ATP1B3: variants seen among roughly 807,000 people sequenced by gnomAD.
The protein encoded by ATP1B3 is ATPase Na+/K+ transporting subunit beta 3.
In ATP1B3, 10 loss-of-function variants were observed where a neutral mutation model predicts 30.2. That is an observed-to-expected ratio of 0.33 (90% CI 0.20 to 0.56). The LOEUF (loss-of-function observed/expected upper bound fraction) is 0.56, where lower values mean the gene tolerates loss of function less well. ATP1B3 is among the 20% of genes least tolerant of loss of function. The pLI is 0.90. For missense variants in ATP1B3, 238 were observed against 336.7 expected (o/e 0.71, Z 2.29); for synonymous variants, 113 against 117.0 (o/e 0.97, Z 0.22).
chr3:141,879,835 T>TTTTTTTTA (rs1933688308), intron 1 of ATP1B3, among the ~76,000 whole-genome samples: 2 of 136,466 alleles, frequency 1.5e-5, no homozygotes, highest in Admixed American at 7.4e-5. Flanking sequence ...TTTTTTTTTT[T>TTTTTTTTA]AAGAAAAACA....
chr3:141,910,224 C>G, intron 3 of ATP1B3, among the ~76,000 whole-genome samples: 1 of 152,008 alleles, frequency 6.6e-6, no homozygotes, highest in Non-Finnish European at 1.5e-5. Flanking sequence ...CACCTGCCTC[C>G]GCCTCCCAAA....
At chr3:141,877,727 C>T (rs946304048) in intron 1 of ATP1B3, among the ~76,000 whole-genome samples, 2 of 150,198 alleles carry the variant, frequency 1.3e-5, no homozygotes, top group Non-Finnish European at 3.0e-5. Flanking sequence ...TTTTTCTATG[C>T]GTGAGCTCTT....
At chr3:141,880,693 C>T (rs530231100) in intron 1 of ATP1B3, among the ~76,000 whole-genome samples, 5 of 152,070 alleles carry the variant, frequency 3.3e-5, no homozygotes, top group African/African-American at 9.6e-5. Flanking sequence ...TTTCATGAAG[C>T]TTTTGTGTAT....
chr3:141,885,880 A>AACACAC (rs146684460), intron 1 of ATP1B3, among the ~76,000 whole-genome samples: 5,104 of 141,702 alleles, frequency 0.036, 95 homozygotes, highest in South Asian at 0.053. Context: ...GCTGCGTTAA[A>AACACAC]ACACACACAC....
chr3:141,895,937 A>G (rs1012114141), intron 1 of ATP1B3, among the ~76,000 whole-genome samples: 2 of 152,098 alleles, frequency 1.3e-5, no homozygotes, highest in African/African-American at 4.8e-5. Context: ...AGTGGAGCTC[A>G]TTATAGTTTT....
intron 1 of ATP1B3, among the ~76,000 whole-genome samples, chr3:141,893,704 A>C (rs554766090): frequency 2.0e-5 from 3 of 152,216 alleles, no homozygotes; most frequent in Non-Finnish European, 4.4e-5. Flanking sequence ...ATGTGTGTGC[A>C]TATGCTGTAT....
intron 1 of ATP1B3, among the ~76,000 whole-genome samples, chr3:141,884,137 T>G (rs766600117): frequency 2.0e-5 from 3 of 152,202 alleles, no homozygotes; most frequent in Non-Finnish European, 4.4e-5. Context: ...GTGCTATTAC[T>G]AATAATATTT....
intron 5 of ATP1B3, among the ~76,000 whole-genome samples, chr3:141,919,648 T>C (rs545799260): frequency 1.3e-5 from 2 of 152,208 alleles, no homozygotes; most frequent in Middle Eastern, 3.4e-3. Context: ...GTTTACAATA[T>C]GATGCTATTG....
At chr3:141,883,065 A>G (rs1055275070) in intron 1 of ATP1B3, among the ~76,000 whole-genome samples, 28 of 152,094 alleles carry the variant, frequency 1.8e-4, no homozygotes, top group Non-Finnish European at 3.4e-4. Flanking sequence ...ACCATTCCAC[A>G]TAGTTATTTC....
intron 5 of ATP1B3, 78 bp downstream of exon 5, chr3:141,916,098 C>G: frequency 2.3e-6 from 3 of 1,306,952 alleles, no homozygotes; most frequent in Non-Finnish European, 3.2e-6. Flanking sequence ...ATTTAGTCAT[C>G]TTTTTTTTCT....
chr3:141,916,860 G>C (rs954321831), intron 5 of ATP1B3, among the ~76,000 whole-genome samples: 1 of 151,304 alleles, frequency 6.6e-6, no homozygotes, highest in Non-Finnish European at 1.5e-5. Flanking sequence ...TCCAAAATTT[G>C]CATTTTTTTC....
chr3:141,885,921 A>ACC (rs1933823575), intron 1 of ATP1B3, among the ~76,000 whole-genome samples: 3 of 147,992 alleles, frequency 2.0e-5, no homozygotes, highest in African/African-American at 5.1e-5. Context: ...ACACACACAC[A>ACC]CACCCCTGTA....
At chr3:141,888,426 C>T (rs915051304) in intron 1 of ATP1B3, among the ~76,000 whole-genome samples, 2 of 151,974 alleles carry the variant, frequency 1.3e-5, no homozygotes, top group East Asian at 1.9e-4. Flanking sequence ...CTACCTTTAC[C>T]TGAGTAATAG....
At chr3:141,881,812 T>C (rs1933731387) in intron 1 of ATP1B3, among the ~76,000 whole-genome samples, 1 of 152,158 alleles carries the variant, frequency 6.6e-6, no homozygotes, top group Admixed American at 6.6e-5. Flanking sequence ...TGCCTTACCC[T>C]GTGTGCAGGC....
intron 1 of ATP1B3, among the ~76,000 whole-genome samples, chr3:141,901,577 T>C (rs1473281429): frequency 6.6e-6 from 1 of 152,216 alleles, no homozygotes; most frequent in Non-Finnish European, 1.5e-5. Context: ...ATTTGGGACA[T>C]AGCTGTTGAT....
At chr3:141,898,052 C>G (rs950696270) in intron 1 of ATP1B3, among the ~76,000 whole-genome samples, 2 of 152,126 alleles carry the variant, frequency 1.3e-5, no homozygotes, top group African/African-American at 2.4e-5. Context: ...CTGGATCTTT[C>G]CATGCAGAAC....
At chr3:141,916,640 C>CTT (rs1342373217) in intron 5 of ATP1B3, 88 of 1,039,818 alleles carry the variant, frequency 8.5e-5, no homozygotes, top group Admixed American at 6.9e-4. Flanking sequence ...CATTTCAACT[C>CTT]TGATTGTATG....
chr3:141,889,756 TACACACACACACAC>T lies in ATP1B3; in HGVS notation c.109+12873_109+12886del, dbSNP rs34670135. The stretch of plus-strand genomic sequence containing the variant: ...AAAAAAAAAAAAAAAAAAAAATATA[TACACACACACACAC>T]ACACACACACACACACACACACACA... On this transcript the variant is annotated intron_variant, in intron 1 of 6. Transcript: ENST00000286371. 1.6e-3 allele frequency among the ~76,000 whole-genome samples: 137 copies of T among 84,030 alleles called. 4 individuals are homozygous for T. Among genetic ancestry groups the T allele is most frequent in the East Asian group, 8.2e-3 (21 of 2,548 alleles). The allele number at this position is 84,030 out of a possible 152,430, so 55.1% of individuals were successfully genotyped here. A position where few individuals can be genotyped will look rare whatever the true frequency, so the allele number is the denominator to read the frequency against.
At position 141,903,618 on chromosome 3, in the gene ATP1B3, A is replaced by G. The variant is rs1245087319; in HGVS notation, c.110-2A>G. On this transcript the variant is annotated splice_acceptor_variant, in intron 1 of 6. Transcript: ENST00000286371. LOFTEE classifies it high-confidence loss of function. ...TTTCATAAGTTTTATTTTCTTTTACAGGTTTGATCTTGCTCTTCTACCTAG... is the reference window on the plus strand; with the variant it reads ...TTTCATAAGTTTTATTTTCTTTTACGGGTTTGATCTTGCTCTTCTACCTAG... 6.2e-7 allele frequency: 1 copy of G among 1,613,426 alleles called. No individual in the cohort carries two copies. Among genetic ancestry groups the G allele is most frequent in the Non-Finnish European group, 8.5e-7 (1 of 1,179,650 alleles).
Sources: allele counts gnomAD v4.1 joint callset (sites outside exome capture counted in the v4.1 genomes callset), GRCh38; gene constraint gnomAD v4.1.1; transcripts MANE v1.5; gene names NCBI Gene and HGNC (gene_info 2026-07-23, HGNC 2026-07-21).